The following NCOA1 variants were observed in gnomAD, a reference collection of about 807,000 sequenced individuals.
NCOA1 encodes the protein nuclear receptor coactivator 1.
In NCOA1, 35 loss-of-function variants were observed where a neutral mutation model predicts 150.9. The observed-to-expected ratio is 0.23, with a 90% CI of 0.18 to 0.31. The LOEUF (loss-of-function observed/expected upper bound fraction) is 0.31. Among genes scored for constraint, NCOA1 ranks in the 10% least tolerant of loss-of-function variants. NCOA1 has a pLI of 1.00. For missense variants in NCOA1, 1,491 were observed against 1,749.3 expected (o/e 0.85, Z 2.63); for synonymous variants, 590 against 630.0 (o/e 0.94, Z 0.95).
chr2:24,702,402 T>C (rs751955542), intron 11 of NCOA1, among the ~76,000 whole-genome samples: 1 of 152,178 alleles, frequency 6.6e-6, no homozygotes, highest in East Asian at 1.9e-4. Flanking sequence ...CATTGACCCA[T>C]AGTACCCTGC....
At chr2:24,612,588 G>T (rs909673100) in intron 3 of NCOA1, among the ~76,000 whole-genome samples, 4 of 151,264 alleles carry the variant, frequency 2.6e-5, no homozygotes, top group African/African-American at 9.7e-5. Flanking sequence ...CCTTTTTTTT[G>T]AATTCTTTTT....
At chr2:24,498,514 C>G (rs1390037436) in intron 1 of NCOA1, among the ~76,000 whole-genome samples, 1 of 152,036 alleles carries the variant, frequency 6.6e-6, no homozygotes, top group African/African-American at 2.4e-5. Context: ...AAAATCAGGG[C>G]AAGTTTTATG....
At chr2:24,533,639 G>A (rs367930755) in intron 1 of NCOA1, among the ~76,000 whole-genome samples, 13 of 151,754 alleles carry the variant, frequency 8.6e-5, no homozygotes, top group Admixed American at 7.9e-4. Context: ...CTAGTTTATT[G>A]AGAGTTTTTA....
intron 14 of NCOA1, among the ~76,000 whole-genome samples, chr2:24,712,804 T>C (rs1187699505): frequency 1.4e-5 from 2 of 147,822 alleles, no homozygotes; most frequent in African/African-American, 5.0e-5. Context: ...ATGAGGGAAA[T>C]GTAAGATGAT....
At chr2:24,534,904 A>G (rs1665062023) in intron 1 of NCOA1, among the ~76,000 whole-genome samples, 1 of 152,084 alleles carries the variant, frequency 6.6e-6, no homozygotes, top group Non-Finnish European at 1.5e-5. Context: ...GGGATGTGGT[A>G]CTGAGAAGAA....
chr2:24,561,692 T>G (rs191152956), intron 1 of NCOA1, among the ~76,000 whole-genome samples: 1 of 152,278 alleles, frequency 6.6e-6, no homozygotes, highest in Non-Finnish European at 1.5e-5. Context: ...TACACAGTAC[T>G]TGGAGTGGGC....
chr2:24,658,701 A>T lies in NCOA1; in HGVS notation c.24A>T (p.Ser8=), dbSNP rs140741550. 6.2e-7 allele frequency: 1 copy of T among 1,614,070 alleles called. No individual in the cohort carries two copies. The highest frequency in any genetic ancestry group is 2.2e-5 in the East Asian group (1 of 44,888). Residue 8 remains serine, a synonymous_variant, in exon 5 of 23, where the codon TCA becomes TCT. Transcript: ENST00000348332. ...ACATGAGTGGCCTCGGGGACAGTTC[A>T]TCCGACCCTGCTAACCCAGACTCAC... MSGLGDS[S]SDPANPDSHK...
chr2:24,496,387 GTAT>G (rs1165910039), intron 1 of NCOA1, among the ~76,000 whole-genome samples: 1 of 152,178 alleles, frequency 6.6e-6, no homozygotes, highest in Non-Finnish European at 1.5e-5. Context: ...AATGAAGAAA[GTAT>G]TATGATAATC....
intron 1 of NCOA1, among the ~76,000 whole-genome samples, chr2:24,559,085 G>A (rs1408247187): frequency 1.3e-5 from 2 of 152,144 alleles, no homozygotes; most frequent in Non-Finnish European, 2.9e-5. Flanking sequence ...GACTGGGGTA[G>A]TGCAGTTAGA....
At chr2:24,716,834 G>T (rs1176547604) in intron 14 of NCOA1, among the ~76,000 whole-genome samples, 2 of 152,102 alleles carry the variant, frequency 1.3e-5, no homozygotes, top group Non-Finnish European at 2.9e-5. Flanking sequence ...ATTTAAGGAA[G>T]AAATTATATT....
At chr2:24,576,498 A>G (rs1385009939) in intron 2 of NCOA1, among the ~76,000 whole-genome samples, 1 of 151,962 alleles carries the variant, frequency 6.6e-6, no homozygotes, top group Non-Finnish European at 1.5e-5. Flanking sequence ...TCATTTTTTC[A>G]TCTTTTCTCA....
chr2:24,664,624 C>T (rs1671330178), intron 5 of NCOA1, among the ~76,000 whole-genome samples: 1 of 152,186 alleles, frequency 6.6e-6, no homozygotes, highest in South Asian at 2.1e-4. Flanking sequence ...AGAAGAATCA[C>T]TTGAACCCGG....
intron 19 of NCOA1, among the ~76,000 whole-genome samples, chr2:24,746,120 T>A (rs1663904353): frequency 6.6e-6 from 1 of 152,252 alleles, no homozygotes; most frequent in Non-Finnish European, 1.5e-5. Context: ...AGCACAGTGG[T>A]CTCACAGTGA....
chr2:24,494,189 G>GA (rs749695168), intron 1 of NCOA1, among the ~76,000 whole-genome samples: 8 of 152,204 alleles, frequency 5.3e-5, no homozygotes, highest in Non-Finnish European at 7.3e-5. Context: ...GAGTGGTGGA[G>GA]AGAGGGTATT....
chr2:24,662,987 G>T (rs1407173469), intron 5 of NCOA1, among the ~76,000 whole-genome samples: 1 of 150,876 alleles, frequency 6.6e-6, no homozygotes, highest in Non-Finnish European at 1.5e-5. Context: ...TAGAGACAGG[G>T]TCTTGTTGTG....
At chr2:24,645,168 C>G (rs1272295896) in intron 4 of NCOA1, among the ~76,000 whole-genome samples, 1 of 152,046 alleles carries the variant, frequency 6.6e-6, no homozygotes, top group East Asian at 1.9e-4. Flanking sequence ...AGATATTCAT[C>G]TAATCTTACT....
At chr2:24,682,697 G>C (rs1672232044) in intron 7 of NCOA1, among the ~76,000 whole-genome samples, 2 of 151,900 alleles carry the variant, frequency 1.3e-5, no homozygotes, top group Non-Finnish European at 2.9e-5. Context: ...ACCTTTCTTT[G>C]ACCCCCACCC....
At chr2:24,669,572 C>T (rs1671592795) in intron 6 of NCOA1, among the ~76,000 whole-genome samples, 1 of 152,104 alleles carries the variant, frequency 6.6e-6, no homozygotes, top group South Asian at 2.1e-4. Flanking sequence ...TTTTTTAGAA[C>T]TTGCTTACAA....
chr2:24,666,031 A>G, intron 6 of NCOA1, 116 bp downstream of exon 6: 6 of 611,820 alleles, frequency 9.8e-6, no homozygotes, highest in Non-Finnish European at 1.3e-5. Context: ...TTATTTTTTG[A>G]GATGAAGTCC....
Sources: allele counts gnomAD v4.1 joint callset (sites outside exome capture counted in the v4.1 genomes callset), GRCh38; gene constraint gnomAD v4.1.1; transcripts MANE v1.5; gene names NCBI Gene and HGNC (gene_info 2026-07-23, HGNC 2026-07-21).